Variants in HSF2BP observed in about 807,000 individuals in gnomAD.
The protein encoded by HSF2BP is heat shock transcription factor 2 binding protein.
HSF2BP carries 35 observed loss-of-function variants against 35.0 expected under a neutral mutation model. The ratio of observed to expected loss-of-function variants is 1.00; its 90% confidence interval spans 0.76 to 1.32. The LOEUF (loss-of-function observed/expected upper bound fraction) is 1.32. Ranked by LOEUF, HSF2BP falls within the 40% of genes most tolerant of loss-of-function variation. The probability of loss-of-function intolerance (pLI) is 0.00; values close to 1 mark genes in which losing one functional copy is unlikely to be tolerated. For synonymous variants in HSF2BP, 114 were observed against 117.4 expected (o/e 0.97, Z 0.18); for missense variants, 326 against 321.7 (o/e 1.01, Z -0.10).
intron 7 of HSF2BP, among the ~76,000 whole-genome samples, chr21:43,604,646 CCACACACACACCA>C (rs749136062): frequency 6.9e-5 from 10 of 144,980 alleles, no homozygotes; most frequent in South Asian, 4.4e-4. Context: ...AGCACACACA[CCACACACACACCA>C]CACACACACA....
At chr21:43,637,258 AT>A in intron 4 of HSF2BP, among the ~76,000 whole-genome samples, 1 of 152,242 alleles carries the variant, frequency 6.6e-6, no homozygotes, top group Non-Finnish European at 1.5e-5. Context: ...GATGTATGCT[AT>A]AACACAAATA....
At chr21:43,580,019 T>A (rs907372191) in intron 8 of HSF2BP, among the ~76,000 whole-genome samples, 1 of 152,316 alleles carries the variant, frequency 6.6e-6, no homozygotes, top group Admixed American at 6.5e-5. Flanking sequence ...TGCCTCGACC[T>A]GTCTCCTAGC....
chr21:43,654,029 A>T (rs2082832684), intron 3 of HSF2BP, among the ~76,000 whole-genome samples: 1 of 152,128 alleles, frequency 6.6e-6, no homozygotes, highest in African/African-American at 2.4e-5. Flanking sequence ...AGTAAAAATC[A>T]GCTTGCACCG....
intron 2 of HSF2BP, chr21:43,657,829 C>G (rs373377231): frequency 1.0e-6 from 1 of 985,416 alleles, no homozygotes; most frequent in Non-Finnish European, 1.2e-6. Flanking sequence ...AGTGCCCCCA[C>G]CACGCGCAGC....
chr21:43,630,278 C>A (rs372554063), intron 6 of HSF2BP, 44 bp downstream of exon 6: 2 of 1,557,976 alleles, frequency 1.3e-6, no homozygotes, highest in East Asian at 4.6e-5. Flanking sequence ...CTGCAGTGGT[C>A]TGGAAGCAAA....
intron 7 of HSF2BP, among the ~76,000 whole-genome samples, chr21:43,602,699 C>A (rs1173288146): frequency 6.6e-6 from 1 of 152,210 alleles, no homozygotes; most frequent in Non-Finnish European, 1.5e-5. Flanking sequence ...GCCAAATATT[C>A]TCTGGCCCAT....
At chr21:43,580,812 A>G (rs1394238050) in intron 8 of HSF2BP, among the ~76,000 whole-genome samples, 1 of 152,244 alleles carries the variant, frequency 6.6e-6, no homozygotes, top group East Asian at 1.9e-4. Context: ...CTCACATAAT[A>G]AAGAAGTTGC....
chr21:43,604,272 C>G lies in HSF2BP; in HGVS notation c.692+9558G>C, dbSNP rs533464162. On this transcript the variant is annotated intron_variant, in intron 7 of 8. Transcript: ENST00000291560. ...CACACACATCACACATACCACACAC[C>G]ACTCACACACATCACACACACCACA... Among the ~76,000 whole-genome samples the G allele has an allele frequency of 5.8e-4, 82 of 140,620 alleles. 1 individual carries two copies. The East Asian group carries it at 0.017, about 29-fold the overall frequency. The allele number at this position is 140,620 out of a possible 152,430, so 92.3% of individuals were successfully genotyped here.
chr21:43,639,266 C>T (rs887771465), intron 4 of HSF2BP, among the ~76,000 whole-genome samples: 1 of 152,042 alleles, frequency 6.6e-6, no homozygotes, highest in Non-Finnish European at 1.5e-5. Flanking sequence ...GACATAACAA[C>T]AAGAAAACAG....
chr21:43,632,417 TCC>T (rs2082491134), intron 5 of HSF2BP, among the ~76,000 whole-genome samples: 1 of 52,546 alleles, frequency 1.9e-5, no homozygotes, highest in African/African-American at 8.9e-5. Flanking sequence ...ACACACATGC[TCC>T]CACACACACA....
intron 6 of HSF2BP, 89 bp from the exon 7 acceptor site, chr21:43,614,036 G>A (rs1381561507): frequency 1.1e-6 from 1 of 918,268 alleles, no homozygotes; most frequent in African/African-American, 1.7e-5. Context: ...TCTCCTAAAA[G>A]ACCTAATGAA....
intron 7 of HSF2BP, among the ~76,000 whole-genome samples, chr21:43,610,515 AGGATCACT>A (rs2082191023): frequency 6.6e-6 from 1 of 151,450 alleles, no homozygotes; most frequent in Non-Finnish European, 1.5e-5. Flanking sequence ...CTGGGATGGG[AGGATCACT>A]TGAGCCCCAG....
At chr21:43,467,926 ACACAC>A in the HSF2BP span, among the ~76,000 whole-genome samples, 11 of 99,180 alleles carry the variant, frequency 1.1e-4, no homozygotes, top group African/African-American at 4.8e-4. Flanking sequence ...CACACACACC[ACACAC>A]CACACACACA....
At chr21:43,593,136 A>G (rs2081946736) in intron 7 of HSF2BP, among the ~76,000 whole-genome samples, 1 of 152,232 alleles carries the variant, frequency 6.6e-6, no homozygotes, top group Non-Finnish European at 1.5e-5. Context: ...CTACAATTCC[A>G]AAAGACTAGA....
the HSF2BP span, among the ~76,000 whole-genome samples, chr21:43,463,815 A>ACGGCTCC: frequency 1.6e-4 from 10 of 61,778 alleles, no homozygotes; most frequent in African/African-American, 7.1e-4. Flanking sequence ...TGTGATGACT[A>ACGGCTCC]CGGCTCCCGT....
At chr21:43,610,649 T>C (rs1335684577) in intron 7 of HSF2BP, among the ~76,000 whole-genome samples, 1 of 152,066 alleles carries the variant, frequency 6.6e-6, no homozygotes, top group Non-Finnish European at 1.5e-5. Context: ...TACACATATA[T>C]TTTTTCTCTT....
intron 6 of HSF2BP, among the ~76,000 whole-genome samples, chr21:43,627,798 A>G (rs1434265790): frequency 6.6e-6 from 1 of 152,132 alleles, no homozygotes; most frequent in Non-Finnish European, 1.5e-5. Flanking sequence ...GCAACCCTAC[A>G]TTGAGCAAGT....
Position 43,658,110 on chromosome 21 carries a change from T to C in HSF2BP, c.-14A>G, listed in dbSNP as rs1226843524. On this transcript the variant is annotated 5_prime_UTR_variant, in exon 2 of 9. Transcript: ENST00000291560. ...CGCTTCGCCCATGGCCGCTGCCGCC[T>C]CCGCTCCGTTCGCCTGAGCGTCGGC... 4.0e-5 allele frequency: 61 copies of C among 1,528,108 alleles called. No individual in the cohort carries two copies. The highest frequency in any genetic ancestry group is 3.7e-5 in the Non-Finnish European group (42 of 1,141,840). The allele number at this position is 1,528,108 out of a possible 1,614,324, so 94.7% of individuals were successfully genotyped here.
intron 7 of HSF2BP, among the ~76,000 whole-genome samples, chr21:43,605,728 CAT>C (rs780681765): frequency 8.2e-5 from 9 of 109,706 alleles, no homozygotes; most frequent in African/African-American, 1.3e-4. Context: ...ACACACATCA[CAT>C]GACACCCACC....
Sources: allele counts gnomAD v4.1 joint callset (sites outside exome capture counted in the v4.1 genomes callset), GRCh38; gene constraint gnomAD v4.1.1; transcripts MANE v1.5; gene names NCBI Gene and HGNC (gene_info 2026-07-23, HGNC 2026-07-21).